Variants in HIP1 observed in about 807,000 individuals in gnomAD.
HIP1 encodes the protein huntingtin-interacting protein 1.
Under a neutral mutation model 147.6 loss-of-function variants are expected in HIP1, and 65 were observed. The observed-to-expected ratio is 0.44, with a 90% CI of 0.36 to 0.54. The LOEUF is 0.54. Ranked by LOEUF, HIP1 falls within the 20% of genes least tolerant of loss-of-function variation. HIP1 has a pLI of 0.00. For synonymous variants in HIP1, 479 were observed against 504.0 expected (o/e 0.95, Z 0.67); for missense variants, 1,061 against 1,299.6 (o/e 0.82, Z 2.82).
At chr7:75,723,466 C>G (rs181282221) in intron 1 of HIP1, among the ~76,000 whole-genome samples, 24 of 152,280 alleles carry the variant, frequency 1.6e-4, no homozygotes, top group African/African-American at 5.3e-4. Flanking sequence ...ATTGGGGCAT[C>G]AACAGCCCTG....
intron 5 of HIP1, among the ~76,000 whole-genome samples, chr7:75,586,489 A>AC (rs1796285610): frequency 6.6e-6 from 1 of 152,162 alleles, no homozygotes; most frequent in South Asian, 2.1e-4. Context: ...GGTGTGAGCC[A>AC]CCGTGCCTGG....
chr7:75,703,072 G>A (rs897337970), intron 1 of HIP1, among the ~76,000 whole-genome samples: 3 of 152,172 alleles, frequency 2.0e-5, no homozygotes, highest in South Asian at 2.1e-4. Context: ...ATAAAGGGCC[G>A]GGTGAGGTGG....
chr7:75,709,873 G>A (rs1007218484), intron 1 of HIP1, among the ~76,000 whole-genome samples: 1 of 151,820 alleles, frequency 6.6e-6, no homozygotes, highest in African/African-American at 2.4e-5. Flanking sequence ...CTAGTTTGTT[G>A]AGTGTTTTTT....
In HIP1 at chr7:75,568,398, TC is replaced by T; in HGVS notation, c.746-143del. 1 of 667,890 alleles carries T rather than the reference TC, an allele frequency of 1.5e-6. No individual in the cohort carries two copies. Among genetic ancestry groups the T allele is most frequent in the South Asian group, 1.6e-5 (1 of 63,714 alleles). The allele number at this position is 667,890 out of a possible 1,614,324, so 41.4% of individuals were successfully genotyped here. The stretch of plus-strand genomic sequence containing the variant: ...AGGGGCCACGACTGGCCTAGAGCTG[TC>T]CCGAGGTCTGGTAACCAAGGGAGCC... On this transcript the variant is annotated intron_variant, in intron 8 of 30. Coordinates refer to ENST00000336926, the MANE Select transcript of HIP1 (RefSeq NM_005338.7). The surrounding 1 kb of genome is among the most constrained non-coding windows in gnomAD (Gnocchi z 4.1).
In HIP1 at chr7:75,726,823, C is replaced by A. The variant is rs187571561; in HGVS notation, c.120+11978G>T. Among the ~76,000 whole-genome samples the A allele has an allele frequency of 9.3e-5, 14 of 150,556 alleles. No individual in the cohort carries two copies. In the East Asian group the frequency reaches 2.6e-3, roughly 28 times the overall value. ...TCCCAAATAGCTGGGATTACAGGCA[C>A]GCCCCACCATGCCTGCCTAATTTTC... On this transcript the variant is annotated intron_variant, in intron 1 of 30. Transcript: ENST00000336926.
chr7:75,566,816 T>C (rs1173397023), intron 9 of HIP1, among the ~76,000 whole-genome samples: 4 of 151,200 alleles, frequency 2.6e-5, no homozygotes, highest in African/African-American at 4.9e-5. Context: ...GCAGTATTTG[T>C]TGAGATAGAA....
At chr7:75,726,373 T>A (rs1733496653) in intron 1 of HIP1, among the ~76,000 whole-genome samples, 1 of 151,382 alleles carries the variant, frequency 6.6e-6, no homozygotes, top group South Asian at 2.1e-4. Flanking sequence ...AACCTCTGCC[T>A]CCCGGGTTCA....
rs904564656 is a variant in HIP1, at chr7:75,701,900, T to C, written c.120+36901A>G. On this transcript the variant is annotated intron_variant, in intron 1 of 30. Coordinates refer to ENST00000336926, the MANE Select transcript of HIP1 (RefSeq NM_005338.7). ...AGAAAATCCTAAACTCTGCCAGGTA[T>C]GGCTGTCCTCACTTTATTATTTATT... 2.0e-5 allele frequency among the ~76,000 whole-genome samples: 3 copies of C among 151,970 alleles called. No individual in the cohort carries two copies. The South Asian group carries it at 6.2e-4, about 32-fold the overall frequency.
chr7:75,639,175 G>A lies in HIP1; in HGVS notation c.121-39928C>T, dbSNP rs1207851224. ...TGCCATGCTGCGGGGAGGGCGGCCG[G>A]CAGGGCCCCCGCGGACCGGGGCAGG... On this transcript the variant is annotated intron_variant, in intron 1 of 30. Transcript: ENST00000336926. The A allele has an allele frequency of 1.9e-5, 19 of 983,308 alleles. No individual in the cohort carries two copies. In the African/African-American group the frequency reaches 3.2e-4, roughly 16 times the overall value. The allele number at this position is 983,308 out of a possible 1,614,324, so 60.9% of individuals were successfully genotyped here. A position where few individuals can be genotyped will look rare whatever the true frequency, so the allele number is the denominator to read the frequency against.
At chr7:75,591,722 CAA>C (rs1168286308) in intron 4 of HIP1, among the ~76,000 whole-genome samples, 108 of 79,610 alleles carry the variant, frequency 1.4e-3, no homozygotes, top group African/African-American at 3.0e-3. Context: ...CCGTCTCTAC[CAA>C]AAAAAAAAAA....
intron 8 of HIP1, among the ~76,000 whole-genome samples, chr7:75,572,045 A>T (rs587696817): frequency 6.6e-6 from 1 of 152,228 alleles, no homozygotes; most frequent in African/African-American, 2.4e-5. Context: ...CCCCATCTCT[A>T]CTAAAAATTC....
At chr7:75,587,968 ACACCAC>A (rs1315079816) in intron 4 of HIP1, among the ~76,000 whole-genome samples, 1 of 152,022 alleles carries the variant, frequency 6.6e-6, no homozygotes, top group African/African-American at 2.4e-5. Context: ...CTGTCTCAAA[ACACCAC>A]CACCACCACC....
At chr7:75,704,254 T>G (rs1239460115) in intron 1 of HIP1, among the ~76,000 whole-genome samples, 1 of 152,152 alleles carries the variant, frequency 6.6e-6, no homozygotes, top group African/African-American at 2.4e-5. Context: ...TATTTATTTA[T>G]TTATTTTTGA....
chr7:75,559,652 G>A (rs587598920), intron 14 of HIP1, 80 bp downstream of exon 14: 1 of 1,161,996 alleles, frequency 8.6e-7, no homozygotes, highest in South Asian at 1.5e-5. Flanking sequence ...CCCAGCCTCT[G>A]TGCCGCATCC....
At chr7:75,555,626 C>G (rs1035062922) in intron 18 of HIP1, 75 bp from the exon 19 acceptor site, 1 of 1,522,754 alleles carries the variant, frequency 6.6e-7, no homozygotes, top group Non-Finnish European at 9.0e-7. Flanking sequence ...CTGGCTGGGG[C>G]TCTTAGCATC....
intron 8 of HIP1, among the ~76,000 whole-genome samples, chr7:75,572,580 G>C (rs976741556): frequency 3.9e-5 from 6 of 152,190 alleles, no homozygotes; most frequent in Non-Finnish European, 7.4e-5. Context: ...CAGATGGCCT[G>C]CCACTGCCAT....
intron 1 of HIP1, among the ~76,000 whole-genome samples, chr7:75,730,694 T>C (rs1584986457): frequency 1.3e-5 from 2 of 151,654 alleles, no homozygotes; most frequent in African/African-American, 2.4e-5. Flanking sequence ...GGGTGGCTCA[T>C]GTAAGGCCTT....
intron 1 of HIP1, among the ~76,000 whole-genome samples, chr7:75,602,848 G>A (rs2117022352): frequency 6.8e-6 from 1 of 146,410 alleles, no homozygotes; most frequent in Non-Finnish European, 1.5e-5. Flanking sequence ...TTACAAATAG[G>A]GCATTTGCAG....
At chr7:75,598,445 A>C (rs1554502400) in intron 2 of HIP1, among the ~76,000 whole-genome samples, 1 of 146,660 alleles carries the variant, frequency 6.8e-6, no homozygotes, top group Admixed American at 6.8e-5. Flanking sequence ...TTTTGCTTTC[A>C]TGCTCAGAAA....
Sources: gnomAD v4.1 joint callset for allele counts (sites outside exome capture counted in the v4.1 genomes callset) on GRCh38, gnomAD v4.1.1 for gene constraint, Gnocchi (gnomAD v3.1) non-coding constraint, MANE v1.5 for transcripts, NCBI Gene and HGNC (gene_info 2026-07-23, HGNC 2026-07-21) for gene names.